Variants in WASHC5 observed in about 807,000 individuals in gnomAD.
The protein encoded by WASHC5 is WASH complex subunit 5.
WASHC5 carries 101 observed loss-of-function variants against 150.4 expected under a neutral mutation model. That is an observed-to-expected ratio of 0.67 (90% CI 0.57 to 0.79). WASHC5 has a LOEUF of 0.79. Among genes scored for constraint, WASHC5 ranks in the 30% least tolerant of loss-of-function variants. WASHC5 has a pLI of 0.00. For missense variants in WASHC5, 1,195 were observed against 1,396.3 expected, an observed-to-expected ratio of 0.86 and a Z score of 2.30; for synonymous variants, 467 against 491.2, an observed-to-expected ratio of 0.95 and a Z score of 0.65.
intron 23 of WASHC5, among the ~76,000 whole-genome samples, chr8:125,040,182 G>C (rs575358204): frequency 6.6e-6 from 1 of 152,142 alleles, no homozygotes; most frequent in African/African-American, 2.4e-5. Flanking sequence ...AGTTGTTCAT[G>C]TATCAAAGAT....
Position 125,024,484 on chromosome 8 carries a change from G to C in WASHC5, c.*133C>G, listed in dbSNP as rs571515794. 1 of 733,604 alleles carries C rather than the reference G, an allele frequency of 1.4e-6. No individual in the cohort carries two copies. The highest frequency in any genetic ancestry group is 2.6e-5 in the East Asian group (1 of 38,768). The allele number at this position is 733,604 out of a possible 1,614,324, so 45.4% of individuals were successfully genotyped here. ...CCATGAGATATATCTTACTCAGAAC[G>C]TCTGATGTTTCCCATAATAGACAGA... On this transcript the variant is annotated 3_prime_UTR_variant, in exon 29 of 29. Coordinates refer to ENST00000318410, the MANE Select transcript of WASHC5 (RefSeq NM_014846.4).
chr8:125,047,420 G>T, intron 19 of WASHC5, 89 bp from the exon 20 acceptor site: 1 of 1,315,580 alleles, frequency 7.6e-7, no homozygotes, highest in Non-Finnish European at 1.1e-6. Context: ...AGATAATATT[G>T]CATAAAGAGT....
intron 28 of WASHC5, among the ~76,000 whole-genome samples, chr8:125,028,018 A>G (rs1219704824): frequency 2.0e-5 from 3 of 152,222 alleles, no homozygotes; most frequent in Admixed American, 2.0e-4. Context: ...ATGTTGTAAG[A>G]AAGTATCTTT....
At chr8:125,029,985 C>CA (rs1815480348) in intron 27 of WASHC5, among the ~76,000 whole-genome samples, 1 of 152,216 alleles carries the variant, frequency 6.6e-6, no homozygotes, top group Admixed American at 6.5e-5. Flanking sequence ...TCCCATGCGT[C>CA]ACAGGTTCCT....
chr8:125,069,959 T>C lies in WASHC5; in HGVS notation c.1151-2240A>G, dbSNP rs1392266152. ...CAGTTGTTGGACAAACACTCTGTAT[T>C]CCTCAATGTGCTTTAACATTTAGCT... On this transcript the variant is annotated intron_variant, in intron 9 of 28. Transcript: ENST00000318410. Among the ~76,000 whole-genome samples, 3 of 152,250 alleles carry C rather than the reference T, an allele frequency of 2.0e-5. No individual in the cohort carries two copies. In the East Asian group the frequency reaches 5.8e-4, roughly 29 times the overall value.
chr8:125,082,566 C>T, intron 3 of WASHC5, 99 bp from the exon 4 acceptor site: 1 of 755,834 alleles, frequency 1.3e-6, no homozygotes, highest in Non-Finnish European at 2.3e-6. Context: ...GGATGCCAGG[C>T]ATTCTGGCCT....
intron 1 of WASHC5, among the ~76,000 whole-genome samples, chr8:125,088,443 G>A (rs531048452): frequency 4.6e-5 from 7 of 150,852 alleles, no homozygotes; most frequent in Non-Finnish European, 1.0e-4. Flanking sequence ...AAAAGGGGGA[G>A]GGGGGGAAGG....
In WASHC5 at chr8:125,057,498, T is replaced by C; in HGVS notation, c.1875+58A>G. On this transcript the variant is annotated intron_variant, in intron 15 of 28. Coordinates refer to ENST00000318410, the MANE Select transcript of WASHC5 (RefSeq NM_014846.4). ...TTTTGGGGGGCCTAAGCATACTTTT[T>C]GTATTTAAAACAGCAGTTATCTGGC... 3 of 1,149,500 alleles carry C rather than the reference T, an allele frequency of 2.6e-6. No homozygotes were observed. The South Asian group carries it at 3.9e-5, about 15-fold the overall frequency. 71.2% of individuals were successfully genotyped at this position (1,149,500 alleles called of 1,614,324 possible).
intron 7 of WASHC5, among the ~76,000 whole-genome samples, chr8:125,075,525 T>C (rs1817030171): frequency 6.6e-6 from 1 of 152,206 alleles, no homozygotes; most frequent in Non-Finnish European, 1.5e-5. Context: ...TAAATATGTC[T>C]TTAATTATAG....
intron 18 of WASHC5, 59 bp from the exon 19 acceptor site, chr8:125,049,244 CTAA>C (rs1250158298): frequency 1.9e-6 from 3 of 1,560,998 alleles, no homozygotes; most frequent in Non-Finnish European, 2.6e-6. Flanking sequence ...ACTATTCGTT[CTAA>C]TATCTAACTA....
chr8:125,054,654 T>TA (rs1357472831), intron 17 of WASHC5, among the ~76,000 whole-genome samples: 1 of 151,824 alleles, frequency 6.6e-6, no homozygotes, highest in East Asian at 1.9e-4. Context: ...ACCCTGTCTC[T>TA]AAAAAATACA....
rs57043871 is a variant in WASHC5, at chr8:125,079,116, G to GTATATATATATATATATATATATA, written c.519-210_519-187dup. ...TGTGTATATATATGTGTGTGTGTGT[G>GTATATATATATATATATATATATA]TATATATATATATATATATATATAC... On this transcript the variant is annotated intron_variant, in intron 5 of 28. Transcript: ENST00000318410. Among the ~76,000 whole-genome samples, 57 of 97,890 alleles carry GTATATATATATATATATATATATA rather than the reference G, an allele frequency of 5.8e-4. 2 individuals carry two copies. Among genetic ancestry groups the GTATATATATATATATATATATATA allele is most frequent in the Non-Finnish European group, 9.0e-4 (49 of 54,442 alleles). The allele number at this position is 97,890 out of a possible 152,430, so 64.2% of individuals were successfully genotyped here.
intron 5 of WASHC5, among the ~76,000 whole-genome samples, chr8:125,079,185 CTTTT>C (rs34211379): frequency 1.7e-5 from 1 of 57,560 alleles, no homozygotes; most frequent in African/African-American, 7.9e-5. Flanking sequence ...TATATATAAC[CTTTT>C]TTTTTTTTTT....
intron 26 of WASHC5, among the ~76,000 whole-genome samples, chr8:125,035,139 G>A (rs188266784): frequency 6.6e-6 from 1 of 152,266 alleles, no homozygotes; most frequent in East Asian, 1.9e-4. Context: ...TCCTTCCTCA[G>A]TCCTACTGTA....
intron 17 of WASHC5, among the ~76,000 whole-genome samples, chr8:125,053,330 G>A (rs896666233): frequency 6.6e-6 from 1 of 152,170 alleles, no homozygotes; most frequent in Non-Finnish European, 1.5e-5. Flanking sequence ...GTTGAATGTA[G>A]TTGGTCAGCA....
rs57043871 is a variant in WASHC5 at position 125,079,116 on chromosome 8, G to GTATATATATATATATATATATA, written c.519-208_519-187dup. Among the ~76,000 whole-genome samples the GTATATATATATATATATATATA allele has an allele frequency of 2.5e-3, 245 of 97,834 alleles. 4 individuals carry two copies. Among genetic ancestry groups the GTATATATATATATATATATATA allele is most frequent in the Non-Finnish European group, 3.7e-3 (200 of 54,394 alleles). The allele number at this position is 97,834 out of a possible 152,430, so 64.2% of individuals were successfully genotyped here. On this transcript the variant is annotated intron_variant, in intron 5 of 28. Coordinates refer to ENST00000318410, the MANE Select transcript of WASHC5 (RefSeq NM_014846.4). ...TGTGTATATATATGTGTGTGTGTGT[G>GTATATATATATATATATATATA]TATATATATATATATATATATATAC...
rs1425978734 is a variant in WASHC5 at position 125,039,800 on chromosome 8, G to A, written c.2949C>T (p.Leu983=). Residue 983 remains leucine, a synonymous_variant, in exon 24 of 29, where the codon CTC becomes CTT. Transcript: ENST00000318410. ...TTTCAAACCCTGGCACTTACTTATT[G>A]AGATTCTCCAGAGCAGCTGCCAGAT... ...SKHLAAALEN[L]NKALLADIEA... The A allele has an allele frequency of 5.0e-6, 8 of 1,608,292 alleles. No individual in the cohort carries two copies. Among genetic ancestry groups the A allele is most frequent in the Non-Finnish European group, 6.0e-6 (7 of 1,174,856 alleles).
At chr8:125,050,252 A>C (rs1586352460) in intron 18 of WASHC5, among the ~76,000 whole-genome samples, 2 of 152,182 alleles carry the variant, frequency 1.3e-5, no homozygotes, top group East Asian at 3.8e-4. Flanking sequence ...TCTTTTAACT[A>C]TAAGAAGTAC....
intron 5 of WASHC5, among the ~76,000 whole-genome samples, chr8:125,080,619 T>C (rs773138452): frequency 4.5e-4 from 68 of 152,234 alleles, no homozygotes; most frequent in Non-Finnish European, 8.7e-4. Flanking sequence ...GACTCCTCCT[T>C]CTTGACAGTT....
Sources: gnomAD v4.1 joint callset for allele counts (sites outside exome capture counted in the v4.1 genomes callset) on GRCh38, gnomAD v4.1.1 for gene constraint, MANE v1.5 for transcripts, NCBI Gene and HGNC (gene_info 2026-07-23, HGNC 2026-07-21) for gene names.